BPHL: variants seen among roughly 807,000 people sequenced by gnomAD.
The protein encoded by BPHL is biphenyl hydrolase like.
A neutral mutation model predicts 31.2 loss-of-function variants in BPHL; 27 were observed. That is an observed-to-expected ratio of 0.87 (90% confidence interval 0.64 to 1.19). BPHL has a LOEUF of 1.19. Ranked by LOEUF, BPHL falls within the 50% of genes most tolerant of loss-of-function variation. BPHL has a pLI of 0.00. For synonymous variants in BPHL, 150 were observed against 146.8 expected (o/e 1.02, Z -0.16); for missense variants, 356 against 375.7 (o/e 0.95, Z 0.43).
intron 6 of BPHL, among the ~76,000 whole-genome samples, chr6:3,142,959 C>G (rs1472284245): frequency 6.6e-6 from 1 of 152,190 alleles, no homozygotes; most frequent in Non-Finnish European, 1.5e-5. Flanking sequence ...AGGCTCACAC[C>G]TGTAATCCCA....
At chr6:3,129,921 C>G (rs1335688506) in intron 4 of BPHL, among the ~76,000 whole-genome samples, 1 of 151,734 alleles carries the variant, frequency 6.6e-6, no homozygotes, top group Non-Finnish European at 1.5e-5. Context: ...ATTCTCCTGC[C>G]TCACCCTCCC....
In BPHL at chr6:3,149,727, G is replaced by C. The variant is rs1762470248; in HGVS notation, c.789-2761G>C. 6.6e-6 allele frequency among the ~76,000 whole-genome samples: 1 copy of C among 152,160 alleles called. No individual in the cohort carries two copies. Among genetic ancestry groups the C allele is most frequent in the African/African-American group, 2.4e-5 (1 of 41,422 alleles). On this transcript the variant is annotated intron_variant, in intron 6 of 6. Coordinates refer to ENST00000380379, the MANE Select transcript of BPHL (RefSeq NM_004332.4). This position sits in a 1 kb window ranked among gnomAD's most constrained non-coding sequence, Gnocchi z 4.6. The stretch of plus-strand genomic sequence containing the variant: ...GGCTCACTGCAACCTCCGCCTACTG[G>C]GTTCAAGTGATTCTGCCTCAGCCTC...
chr6:3,125,320 C>T (rs149884729), intron 2 of BPHL, among the ~76,000 whole-genome samples: 2,955 of 152,212 alleles, frequency 0.019, 36 homozygotes, highest in Non-Finnish European at 0.031. Flanking sequence ...GCTGGGATTA[C>T]AGGCATGAGC....
chr6:3,144,372 C>CTT (rs58022650), intron 6 of BPHL, among the ~76,000 whole-genome samples: 10 of 64,796 alleles, frequency 1.5e-4, no homozygotes, highest in African/African-American at 3.1e-4. Context: ...TGGCCTTCTT[C>CTT]TTTTTTTTTT....
Position 3,123,754 on chromosome 6 carries a change from A to T in BPHL, c.205A>T (p.Met69Leu), listed in dbSNP as rs747487203. 2 of 1,611,436 alleles carry T rather than the reference A, an allele frequency of 1.2e-6. No individual in the cohort carries two copies. The highest frequency in any genetic ancestry group is 1.3e-5 in the African/African-American group (1 of 74,982). ...TCACGCAGTCCTGCTACTTCCTGGGATGTTAGGTCTGGGTACTTTTTAATG... is the reference window on the plus strand; with the variant it reads ...TCACGCAGTCCTGCTACTTCCTGGGTTGTTAGGTCTGGGTACTTTTTAATG... The part of the protein sequence containing the change: ...GDHAVLLLPG[M>L]LGSGETDFGP... The change falls in exon 2 of 7, where the codon ATG becomes TTG. Residue 69 changes from methionine to leucine, a missense_variant. Coordinates refer to ENST00000380379, the MANE Select transcript of BPHL (RefSeq NM_004332.4).
At chr6:3,133,167 G>A (rs959008071) in intron 4 of BPHL, among the ~76,000 whole-genome samples, 5 of 152,110 alleles carry the variant, frequency 3.3e-5, no homozygotes, top group Non-Finnish European at 7.4e-5. Context: ...TGAAAAACGG[G>A]GGCTCACAAA....
At chr6:3,118,479 C>T (rs1761449830), upstream of BPHL, 3 of 334,144 alleles carry the variant, frequency 9.0e-6, no homozygotes, top group Non-Finnish European at 1.1e-5. Flanking sequence ...ACACTCATCC[C>T]GGGAGCCAGA....
chr6:3,137,256 G>A (rs1033034561), intron 4 of BPHL, 106 bp from the exon 5 acceptor site: 57 of 1,404,696 alleles, frequency 4.1e-5, no homozygotes, highest in Admixed American at 2.2e-4. Context: ...CCAGGCAGAC[G>A]AGACAGTGAG....
intron 4 of BPHL, among the ~76,000 whole-genome samples, chr6:3,136,213 G>T (rs1762015285): frequency 6.6e-6 from 1 of 152,176 alleles, no homozygotes; most frequent in African/African-American, 2.4e-5. Context: ...CATGTGCAGG[G>T]ACGTTTTGCT....
chr6:3,151,097 A>G (rs9503410), intron 6 of BPHL, among the ~76,000 whole-genome samples: 12,850 of 152,238 alleles, frequency 0.084, 788 homozygotes, highest in African/African-American at 0.17. Flanking sequence ...GTCTACAGAG[A>G]AAGACTTCAC....
intron 5 of BPHL, chr6:3,139,815 G>A (rs1762120741): frequency 6.6e-6 from 1 of 152,584 alleles, no homozygotes. Context: ...GGCCCAGGCT[G>A]TCCATCATTG....
intron 4 of BPHL, among the ~76,000 whole-genome samples, chr6:3,132,127 C>A (rs1761888849): frequency 2.0e-5 from 3 of 152,192 alleles, no homozygotes; most frequent in Admixed American, 2.0e-4. Flanking sequence ...GCTACTCTTT[C>A]TTTTTCATCC....
At chr6:3,118,691 C>A (rs767162451), upstream of BPHL, 147 of 1,216,052 alleles carry the variant, frequency 1.2e-4, no homozygotes, top group Non-Finnish European at 1.3e-4. Flanking sequence ...CCGGGTACCG[C>A]GCTTGGTCTT....
rs903224811 is a variant in BPHL at position 3,128,952 on chromosome 6, C to T, written c.379-93C>T. 2.6e-6 allele frequency: 4 copies of T among 1,567,962 alleles called. No individual in the cohort carries two copies. In the African/African-American group the frequency reaches 5.4e-5, roughly 21 times the overall value. On this transcript the variant is annotated intron_variant, in intron 3 of 6. Coordinates refer to ENST00000380379, the MANE Select transcript of BPHL (RefSeq NM_004332.4). ...TTCTGACTAATTGATACTCCAGCCT[C>T]ACACCTGTATTGATTCTGATAATTA...
intron 1 of BPHL, among the ~76,000 whole-genome samples, chr6:3,123,445 A>G (rs1448338607): frequency 2.6e-5 from 4 of 152,228 alleles, no homozygotes; most frequent in Non-Finnish European, 1.5e-5. Flanking sequence ...TAGCATATCC[A>G]TCGTCTCAAA....
chr6:3,145,217 CGGGTCCG>C (rs1762299461), intron 6 of BPHL, among the ~76,000 whole-genome samples: 1 of 25,116 alleles, frequency 4.0e-5, no homozygotes, highest in Non-Finnish European at 8.4e-5. Flanking sequence ...AGTGCTGGTT[CGGGTCCG>C]AGTGCTGGTT....
chr6:3,119,451 G>A, intron 1 of BPHL: 1 of 1,612,572 alleles, frequency 6.2e-7, no homozygotes. Flanking sequence ...ATCTACATGT[G>A]TGGAGATGCC....
chr6:3,126,789 C>G (rs1254570610), intron 2 of BPHL: 1 of 149,818 alleles, frequency 6.7e-6, no homozygotes, highest in African/African-American at 2.5e-5. Context: ...GAGTCTTGCC[C>G]TGTGCTCAGG....
chr6:3,132,884 A>G lies in BPHL; in HGVS notation c.532+3686A>G, dbSNP rs141546808. Among the ~76,000 whole-genome samples, 670 of 152,174 alleles carry G rather than the reference A, an allele frequency of 4.4e-3. 3 individuals are homozygous for G. The highest frequency in any genetic ancestry group is 0.015 in the African/African-American group (632 of 41,502). ...AAAAAAACAGAAAGAAAAGAAAAAG[A>G]CGAGTTCTCACTATGTTGCCTTATT... On this transcript the variant is annotated intron_variant, in intron 4 of 6. Coordinates refer to ENST00000380379, the MANE Select transcript of BPHL (RefSeq NM_004332.4).
Sources: allele counts gnomAD v4.1 joint callset (sites outside exome capture counted in the v4.1 genomes callset), GRCh38; gene constraint gnomAD v4.1.1; non-coding constraint Gnocchi (gnomAD v3.1); transcripts MANE v1.5; gene names NCBI Gene and HGNC (gene_info 2026-07-23, HGNC 2026-07-21).